RAB21: variants seen among roughly 807,000 people sequenced by gnomAD.
The protein encoded by RAB21 is ras-related protein Rab-21.
A neutral mutation model predicts 33.1 loss-of-function variants in RAB21; 13 were observed. That is an observed-to-expected ratio of 0.39 (90% CI 0.26 to 0.62). The LOEUF (loss-of-function observed/expected upper bound fraction) is 0.62, where lower values mean the gene tolerates loss of function less well. Among genes scored for constraint, RAB21 ranks in the 20% least tolerant of loss-of-function variants. RAB21 has a pLI of 0.48. For missense variants in RAB21, 234 were observed against 279.1 expected (o/e 0.84, Z 1.15); for synonymous variants, 91 against 103.7 (o/e 0.88, Z 0.74).
At chr12:71,765,386 T>G (rs571274347) in intron 1 of RAB21, among the ~76,000 whole-genome samples, 76 of 152,346 alleles carry the variant, frequency 5.0e-4, no homozygotes, top group Non-Finnish European at 9.1e-4. Flanking sequence ...ACGAACATTT[T>G]CTTCCACTCT....
chr12:71,755,163 G>A lies in RAB21; in HGVS notation c.34G>A (p.Ala12Thr), dbSNP rs770090257. 80 of 1,314,802 alleles carry A rather than the reference G, an allele frequency of 6.1e-5. No individual in the cohort carries two copies. The highest frequency in any genetic ancestry group is 2.2e-4 in the Middle Eastern group (1 of 4,638). The allele number at this position is 1,314,802 out of a possible 1,614,324, so 81.4% of individuals were successfully genotyped here. Residue 12 changes from alanine (A) to threonine (T), a missense_variant, in exon 1 of 7, where the codon GCG becomes ACG. Physicochemically the swap from Ala to Thr is moderately conservative, Grantham distance 58. Transcript: ENST00000261263. ...GGCCGGCGGCGGCGGCGGCGGGGCG[G>A]CGGCGGCGGGCCGAGCCTACTCGTT... ...AAAGGGGGGA[A>T]AAGRAYSFKV...
chr12:71,764,812 A>G (rs1200515461), intron 1 of RAB21, among the ~76,000 whole-genome samples: 2 of 152,196 alleles, frequency 1.3e-5, no homozygotes, highest in African/African-American at 2.4e-5. Context: ...GCTGAGTAGT[A>G]TTCTATGGCG....
chr12:71,777,140 T>C (rs1233083968), intron 4 of RAB21, among the ~76,000 whole-genome samples: 1 of 152,162 alleles, frequency 6.6e-6, no homozygotes, highest in Non-Finnish European at 1.5e-5. Context: ...AAAATGAAAA[T>C]TGCACGGTGT....
intron 6 of RAB21, 86 bp from the exon 7 acceptor site, chr12:71,785,445 A>G (rs1484926788): frequency 1.4e-6 from 2 of 1,445,194 alleles, no homozygotes; most frequent in Non-Finnish European, 1.9e-6. Context: ...AGTCAGAAAT[A>G]GCTATCATAG....
rs1487993331 is a variant in RAB21, at chr12:71,791,018, T to TG, written c.*5346dup. The TG allele has an allele frequency of 7.9e-5, 12 of 152,308 alleles. No individual in the cohort carries two copies. The highest frequency in any genetic ancestry group is 7.9e-4 in the Admixed American group (12 of 15,280). The allele number at this position is 152,308 out of a possible 1,614,324, so 9.4% of individuals were successfully genotyped here. On this transcript the variant is annotated 3_prime_UTR_variant, in exon 7 of 7. Coordinates refer to ENST00000261263, the MANE Select transcript of RAB21 (RefSeq NM_014999.4). ...TCATTTTTTTGAGACAGTCTCGCTGTGTCACCCAGGCTGGAGTGTGGTGGC... is the reference window on the plus strand; with the variant it reads ...TCATTTTTTTGAGACAGTCTCGCTGTGGTCACCCAGGCTGGAGTGTGGTGGC...
At position 71,797,026 on chromosome 12, in the gene RAB21, A is replaced by T. The variant is rs1175063564; in HGVS notation, c.*11353A>T. On this transcript the variant is annotated 3_prime_UTR_variant, in exon 7 of 7. Coordinates refer to ENST00000261263, the MANE Select transcript of RAB21 (RefSeq NM_014999.4). Reference sequence around the variant, plus strand: ...ATACATTGAGCAGATTCAGAATTTAATAGACACTTCGTGTTTCCATTTTCA... The same window carrying T: ...ATACATTGAGCAGATTCAGAATTTATTAGACACTTCGTGTTTCCATTTTCA... 1 of 152,180 alleles carries T rather than the reference A, an allele frequency of 6.6e-6. No individual in the cohort carries two copies. Among genetic ancestry groups the T allele is most frequent in the Non-Finnish European group, 1.5e-5 (1 of 68,002 alleles). 9.4% of individuals were successfully genotyped at this position (152,180 alleles called of 1,614,324 possible).
chr12:71,755,461 C>A (rs992433463), intron 1 of RAB21, among the ~76,000 whole-genome samples, 173 bp downstream of exon 1: 8 of 152,116 alleles, frequency 5.3e-5, no homozygotes, highest in African/African-American at 1.7e-4. Context: ...GTCGGGGCAG[C>A]CTGTAGACGC....
chr12:71,770,587 T>C lies in RAB21; in HGVS notation c.220-5T>C. On this transcript the variant is annotated splice_region_variant and splice_polypyrimidine_tract_variant and intron_variant, in intron 2 of 6. Transcript: ENST00000261263. ...GATCTAATAAGCATTTGTTGCTTTC[T>C]TTAGGATACGGCAGGTCAAGAGAGA... The C allele has an allele frequency of 6.4e-7, 1 of 1,568,310 alleles. No homozygotes were observed. The highest frequency in any genetic ancestry group is 8.8e-7 in the Non-Finnish European group (1 of 1,139,092).
At chr12:71,765,116 A>G (rs1324651782) in intron 1 of RAB21, among the ~76,000 whole-genome samples, 1 of 152,116 alleles carries the variant, frequency 6.6e-6, no homozygotes, top group Non-Finnish European at 1.5e-5. Context: ...ATCCACACCA[A>G]CATCTATTGT....
chr12:71,770,124 A>C (rs201835931), intron 2 of RAB21, among the ~76,000 whole-genome samples: 1 of 151,940 alleles, frequency 6.6e-6, no homozygotes. Context: ...TTTTTTCCCC[A>C]CCCTGTGTCT....
At chr12:71,772,905 T>A (rs148798711) in intron 3 of RAB21, among the ~76,000 whole-genome samples, 199 of 152,322 alleles carry the variant, frequency 1.3e-3, no homozygotes, top group African/African-American at 4.7e-3. Flanking sequence ...CCAAAGATAG[T>A]TCCTCTTCAT....
Position 71,797,659 on chromosome 12 carries a change from A to C in RAB21, c.*11986A>C, listed in dbSNP as rs966189967. 2 of 151,250 alleles carry C rather than the reference A, an allele frequency of 1.3e-5. No individual in the cohort carries two copies. The highest frequency in any genetic ancestry group is 2.9e-5 in the Non-Finnish European group (2 of 67,858). The allele number at this position is 151,250 out of a possible 1,614,324, so 9.4% of individuals were successfully genotyped here. On this transcript the variant is annotated 3_prime_UTR_variant, in exon 7 of 7. Transcript: ENST00000261263. Reference sequence around the variant, plus strand: ...AAAAAAAGCAAGACTAGCCAGGAAAACTGAAAAAACAATGAGGAAAGACTG... The same window carrying C: ...AAAAAAAGCAAGACTAGCCAGGAAACCTGAAAAAACAATGAGGAAAGACTG...
intron 4 of RAB21, among the ~76,000 whole-genome samples, chr12:71,778,345 A>C (rs1282708109): frequency 6.6e-6 from 1 of 152,196 alleles, no homozygotes; most frequent in Admixed American, 6.5e-5. Flanking sequence ...AATCGTAGTC[A>C]CCATTTACTG....
In RAB21 at chr12:71,774,000, T is replaced by C; in HGVS notation, c.369T>C (p.Asn123=). The change falls in exon 4 of 7, where the codon AAT becomes AAC. Residue 123 remains asparagine, a synonymous_variant. Transcript: ENST00000261263. ...WVKELRKMLG[N]EICLCIVGNK... ...AAGAATTACGGAAAATGTTGGGAAA[T>C]GAAATCTGTTTATGTATAGTTGGTA... is the stretch of plus-strand genomic sequence containing the variant. The C allele has an allele frequency of 6.3e-7, 1 of 1,594,494 alleles. No homozygotes were observed. The highest frequency in any genetic ancestry group is 8.5e-7 in the Non-Finnish European group (1 of 1,170,618).
chr12:71,774,679 C>A (rs1396139643), intron 4 of RAB21, among the ~76,000 whole-genome samples: 1 of 151,256 alleles, frequency 6.6e-6, no homozygotes, highest in African/African-American at 2.4e-5. Flanking sequence ...ATCACTTGAA[C>A]CCAGGAGGTG....
At chr12:71,770,835 A>G (rs1224692052) in intron 3 of RAB21, 136 bp downstream of exon 3, 13 of 585,476 alleles carry the variant, frequency 2.2e-5, no homozygotes, top group Non-Finnish European at 1.2e-5. Flanking sequence ...ACTGGTGACC[A>G]CTTACATTTT....
At chr12:71,782,153 T>C (rs1389704005) in intron 5 of RAB21, 68 bp downstream of exon 5, 1 of 1,422,102 alleles carries the variant, frequency 7.0e-7, no homozygotes, top group Non-Finnish European at 9.8e-7. Flanking sequence ...TACGTTTTGC[T>C]TTACCATTTA....
chr12:71,783,304 AGAAAAAGGAAAATAAATT>A (rs1172849782), intron 6 of RAB21, among the ~76,000 whole-genome samples: 82 of 152,116 alleles, frequency 5.4e-4, no homozygotes, highest in African/African-American at 1.8e-3. Flanking sequence ...ATAGTTTTAA[AGAAAAAGGAAAATAAATT>A]TATATATATT....
chr12:71,773,706 G>A (rs1883076843), intron 3 of RAB21, among the ~76,000 whole-genome samples: 1 of 152,076 alleles, frequency 6.6e-6, no homozygotes, highest in Admixed American at 6.5e-5. Context: ...GCTTTGCTTG[G>A]CTCTGTGGAA....
Sources: allele counts gnomAD v4.1 joint callset (sites outside exome capture counted in the v4.1 genomes callset), GRCh38; gene constraint gnomAD v4.1.1; transcripts MANE v1.5; gene names NCBI Gene and HGNC (gene_info 2026-07-23, HGNC 2026-07-21).